Variants in SP6 observed in about 807,000 individuals in gnomAD.
SP6 encodes transcription factor Sp6.
Under a neutral mutation model 23.4 loss-of-function variants are expected in SP6, and 10 were observed. The observed-to-expected ratio is 0.43, with a 90% CI of 0.26 to 0.72. The LOEUF is 0.72. SP6 is among the 30% of genes least tolerant of loss of function. SP6 has a pLI of 0.23. For missense variants in SP6, 482 were observed against 523.8 expected (o/e 0.92, Z 0.78); for synonymous variants, 238 against 238.7 (o/e 1.00, Z 0.03).
chr17:47,866,287 T>C, the SP6 span, among the ~76,000 whole-genome samples: 1 of 151,668 alleles, frequency 6.6e-6, no homozygotes, highest in Non-Finnish European at 1.5e-5. Context: ...GGAAGAAAGG[T>C]GGAGGCAAGG....
In SP6 at chr17:47,846,924, G is replaced by C. The variant is rs568869308; in HGVS notation, c.*375C>G. 57 of 201,212 alleles carry C rather than the reference G, an allele frequency of 2.8e-4. No homozygotes were observed. The East Asian group carries it at 6.2e-3, about 22-fold the overall frequency. The allele number at this position is 201,212 out of a possible 1,614,324, so 12.5% of individuals were successfully genotyped here. A position where few individuals can be genotyped will look rare whatever the true frequency, so the allele number is the denominator to read the frequency against. On this transcript the variant is annotated 3_prime_UTR_variant, in exon 2 of 2. Coordinates refer to ENST00000536300, the MANE Select transcript of SP6 (RefSeq NM_001258248.2). The stretch of plus-strand genomic sequence containing the variant: ...ACGTGTCCAGACAGCCACCACCAGC[G>C]CCCCGGGCCGGCCCCACTTCTCTCT...
upstream of SP6, among the ~76,000 whole-genome samples, chr17:47,851,813 C>T (rs540899635): frequency 2.7e-3 from 405 of 151,192 alleles, 1 homozygote; most frequent in African/African-American, 9.6e-3. Flanking sequence ...CCGGGGTATC[C>T]CTCTCTGACC....
At position 47,848,466 on chromosome 17, in the gene SP6, C is replaced by A; in HGVS notation, c.-37G>T. Reference sequence around the variant, plus strand: ...GGGGTGGGGTGAGGGCAGGGACGGTCAGGGGCACCTCAGACGGGACCTAAA... The same window carrying A: ...GGGGTGGGGTGAGGGCAGGGACGGTAAGGGGCACCTCAGACGGGACCTAAA... On this transcript the variant is annotated 5_prime_UTR_variant, in exon 2 of 2. Coordinates refer to ENST00000536300, the MANE Select transcript of SP6 (RefSeq NM_001258248.2). This position sits in a 1 kb window ranked among gnomAD's most constrained non-coding sequence, Gnocchi z 5.3. 2 of 1,463,088 alleles carry A rather than the reference C, an allele frequency of 1.4e-6. No homozygotes were observed. The highest frequency in any genetic ancestry group is 2.9e-5 in the South Asian group (2 of 69,770). 90.6% of individuals were successfully genotyped at this position (1,463,088 alleles called of 1,614,324 possible).
the SP6 span, among the ~76,000 whole-genome samples, chr17:47,868,354 C>T: frequency 6.6e-6 from 1 of 152,220 alleles, no homozygotes; most frequent in Admixed American, 6.5e-5. Flanking sequence ...GAGACTCAGT[C>T]ACATGAGCAG....
chr17:47,860,126 C>T (rs1211652083), upstream of SP6, among the ~76,000 whole-genome samples: 1 of 152,152 alleles, frequency 6.6e-6, no homozygotes, highest in Non-Finnish European at 1.5e-5. Flanking sequence ...TTTCCAGCCA[C>T]ATCCCTTCCC....
the SP6 span, among the ~76,000 whole-genome samples, chr17:47,862,800 T>C: frequency 6.6e-6 from 1 of 152,238 alleles, no homozygotes; most frequent in Non-Finnish European, 1.5e-5. Context: ...CAGCCTCCTG[T>C]AGTGCCTGGA....
At chr17:47,852,481 G>A (rs1454104028), upstream of SP6, among the ~76,000 whole-genome samples, 3 of 151,930 alleles carry the variant, frequency 2.0e-5, no homozygotes, top group African/African-American at 7.3e-5. Context: ...TTTCAGATTC[G>A]TCTCCTCTGT....
Position 47,848,478 on chromosome 17 carries a change from A to C in SP6, c.-49T>G. The stretch of plus-strand genomic sequence containing the variant: ...GGGCAGGGACGGTCAGGGGCACCTC[A>C]GACGGGACCTAAAGGAGGCGAAGAA... On this transcript the variant is annotated 5_prime_UTR_variant, in exon 2 of 2. Transcript: ENST00000536300. This position sits in a 1 kb window ranked among gnomAD's most constrained non-coding sequence, Gnocchi z 5.3. 6.9e-7 allele frequency: 1 copy of C among 1,442,386 alleles called. No homozygotes were observed. The highest frequency in any genetic ancestry group is 9.2e-7 in the Non-Finnish European group (1 of 1,089,850). 89.3% of individuals were successfully genotyped at this position (1,442,386 alleles called of 1,614,324 possible). A position where few individuals can be genotyped will look rare whatever the true frequency, so the allele number is the denominator to read the frequency against.
At chr17:47,867,322 A>G in the SP6 span, among the ~76,000 whole-genome samples, 7,802 of 152,144 alleles carry the variant, frequency 0.051, 645 homozygotes, top group African/African-American at 0.17. Flanking sequence ...AGGCTTAGAG[A>G]GAGAGTGGAG....
chr17:47,857,687 T>C (rs115205623), upstream of SP6, among the ~76,000 whole-genome samples: 32 of 152,214 alleles, frequency 2.1e-4, no homozygotes, highest in African/African-American at 7.7e-4. Flanking sequence ...CCAGACAATG[T>C]GTTTTCCTAA....
At chr17:47,874,910 C>T in the SP6 span, among the ~76,000 whole-genome samples, 5 of 152,126 alleles carry the variant, frequency 3.3e-5, no homozygotes, top group South Asian at 8.3e-4. Context: ...ACTCTGCCCC[C>T]TCCACCTGCC....
Position 47,847,884 on chromosome 17 carries a change from G to A in SP6, c.546C>T (p.Leu182=), listed in dbSNP as rs758820077. 4 of 1,554,832 alleles carry A rather than the reference G, an allele frequency of 2.6e-6. No homozygotes were observed. The South Asian group carries it at 3.6e-5, about 14-fold the overall frequency. Residue 182 remains leucine, a synonymous_variant, in exon 2 of 2, where the codon CTC becomes CTT. Coordinates refer to ENST00000536300, the MANE Select transcript of SP6 (RefSeq NM_001258248.2). The part of the protein sequence containing the change: ...HLLPAAGGQH[L]LGPPDGAKAL... ...CCTTAGCCCCGTCGGGCGGCCCTAGGAGATGCTGCCCTCCGGCAGCTGGAA... is the reference window on the plus strand; with the variant it reads ...CCTTAGCCCCGTCGGGCGGCCCTAGAAGATGCTGCCCTCCGGCAGCTGGAA...
At chr17:47,864,097 G>C in the SP6 span, among the ~76,000 whole-genome samples, 1 of 149,822 alleles carries the variant, frequency 6.7e-6, no homozygotes. Context: ...ACTCACCTTG[G>C]CCTCCCAAAG....
the SP6 span, among the ~76,000 whole-genome samples, chr17:47,869,565 C>T: frequency 6.6e-6 from 1 of 152,138 alleles, no homozygotes; most frequent in Non-Finnish European, 1.5e-5. Flanking sequence ...CAAACTCAAG[C>T]AAAGGACGAA....
the SP6 span, among the ~76,000 whole-genome samples, chr17:47,876,159 T>C: frequency 2.8e-4 from 43 of 152,182 alleles, no homozygotes; most frequent in African/African-American, 1.0e-3. Context: ...TGGGATCCTC[T>C]GGTAGATTCG....
chr17:47,859,587 A>C (rs886495120), upstream of SP6, among the ~76,000 whole-genome samples: 5 of 152,338 alleles, frequency 3.3e-5, no homozygotes, highest in Admixed American at 1.3e-4. Flanking sequence ...AATTAGAGAA[A>C]GGGCTCCCCA....
In SP6 at chr17:47,848,281, C is replaced by T; in HGVS notation, c.149G>A (p.Gly50Glu). The change falls in exon 2 of 2, where the codon GGA (glycine) becomes GAA (glutamate). Residue 50 changes from glycine to glutamate, a missense_variant. Physicochemically the swap from Gly to Glu is moderately conservative, Grantham distance 98. This residue lies in a region of SP6 where 330 missense variants were observed against 332.3 expected (regional missense o/e 0.99). Coordinates refer to ENST00000536300, the MANE Select transcript of SP6 (RefSeq NM_001258248.2). The surrounding 1 kb of genome is among the most constrained non-coding windows in gnomAD (Gnocchi z 5.3). Reference sequence around the variant, plus strand: ...GCCCAGCGGGAGGCTCTGCAGCTCTCCAGGCTGCAGCGGGGAGGGGTAGTC... The same window carrying T: ...GCCCAGCGGGAGGCTCTGCAGCTCTTCAGGCTGCAGCGGGGAGGGGTAGTC... ...AGDYPSPLQP[G>E]ELQSLPLGPE... 1 of 1,612,382 alleles carries T rather than the reference C, an allele frequency of 6.2e-7. No homozygotes were observed. The highest frequency in any genetic ancestry group is 1.1e-5 in the South Asian group (1 of 90,970).
Position 47,848,616 on chromosome 17 carries a change from T to C in SP6, c.-57-130A>G, listed in dbSNP as rs2143650970. ...TCTGAACGAGGACTAGAGATGAGTT[T>C]AGAGAATTCGGGAGTGCGAGGAAGG... On this transcript the variant is annotated intron_variant, in intron 1 of 1. Transcript: ENST00000536300. The surrounding 1 kb of genome is among the most constrained non-coding windows in gnomAD (Gnocchi z 5.3). 1.8e-6 allele frequency: 1 copy of C among 568,094 alleles called. No homozygotes were observed. Among genetic ancestry groups the C allele is most frequent in the Middle Eastern group, 4.8e-4 (1 of 2,098 alleles). The allele number at this position is 568,094 out of a possible 1,614,324, so 35.2% of individuals were successfully genotyped here. A position where few individuals can be genotyped will look rare whatever the true frequency, so the allele number is the denominator to read the frequency against.
chr17:47,858,565 T>A (rs2034013917), upstream of SP6, among the ~76,000 whole-genome samples: 1 of 152,166 alleles, frequency 6.6e-6, no homozygotes. Context: ...AAATGGTGTC[T>A]GGTACTTAGC....
Sources: allele counts gnomAD v4.1 joint callset (sites outside exome capture counted in the v4.1 genomes callset), GRCh38; gene constraint gnomAD v4.1.1; regional missense constraint gnomAD v4.1.1; non-coding constraint Gnocchi (gnomAD v3.1); transcripts MANE v1.5; gene names NCBI Gene and HGNC (gene_info 2026-07-23, HGNC 2026-07-21).